Variants in VPS16 observed in about 807,000 individuals in gnomAD.
VPS16 encodes VPS16 core subunit of CORVET and HOPS complexes, also known as vacuolar protein sorting-associated protein 16 homolog.
A neutral mutation model predicts 116.0 loss-of-function variants in VPS16; 82 were observed. The ratio of observed to expected loss-of-function variants is 0.71; its 90% CI spans 0.59 to 0.85. The LOEUF (loss-of-function observed/expected upper bound fraction) is 0.85, where lower values mean the gene tolerates loss of function less well. Among genes scored for constraint, VPS16 ranks in the 40% least tolerant of loss-of-function variants. VPS16 has a pLI of 0.00. For synonymous variants in VPS16, 406 were observed against 420.7 expected, an observed-to-expected ratio of 0.96 and a Z score of 0.43; for missense variants, 928 against 1,090.6, an observed-to-expected ratio of 0.85 and a Z score of 2.10.
In VPS16 at chr20:2,860,218, A is replaced by G; in HGVS notation, c.241-21A>G. On this transcript the variant is annotated intron_variant, in intron 3 of 23. Transcript: ENST00000380445. The surrounding 1 kb of genome is among the most constrained non-coding windows in gnomAD (Gnocchi z 6.1). ...GGTTTCCTCACCTGAGGACAGCCTT[A>G]GGAACCTCTCTCCCCTGCAGTGGAA... is the stretch of plus-strand genomic sequence containing the variant. 6.2e-7 allele frequency: 1 copy of G among 1,613,912 alleles called. No individual in the cohort carries two copies. The highest frequency in any genetic ancestry group is 8.5e-7 in the Non-Finnish European group (1 of 1,179,970).
intron 2 of VPS16, 105 bp downstream of exon 2, chr20:2,859,912 C>T (rs768694017): frequency 1.4e-6 from 2 of 1,472,274 alleles, no homozygotes; most frequent in Admixed American, 1.8e-5. Context: ...CCACCCCCCA[C>T]TCACCCTGCT....
chr20:2,862,382 C>T (rs767726942), intron 11 of VPS16, 197 bp from the exon 12 acceptor site: 2 of 1,236,418 alleles, frequency 1.6e-6, no homozygotes, highest in Non-Finnish European at 2.2e-6. Context: ...CAAGGCCCCC[C>T]TAAAGGCAGC....
At chr20:2,859,584 C>T in intron 1 of VPS16, 135 bp from the exon 2 acceptor site, 1 of 1,031,214 alleles carries the variant, frequency 9.7e-7, no homozygotes, top group Non-Finnish European at 1.5e-6. Flanking sequence ...TCCTCCCTCC[C>T]TCTGGGGGTA....
intron 1 of VPS16, among the ~76,000 whole-genome samples, chr20:2,857,619 C>T (rs907909299): frequency 1.3e-5 from 2 of 152,038 alleles, no homozygotes; most frequent in African/African-American, 4.8e-5. Context: ...AAGTGATTCT[C>T]CTGCCTTAGC....
rs2089279403 is a variant in VPS16 at position 2,863,934 on chromosome 20, C to T, written c.1477-15C>T. ...ATGGCATCCAGATGTTTGTGACACC[C>T]CGCATCCCTTGCAGGTGCAACAGAA... On this transcript the variant is annotated splice_polypyrimidine_tract_variant and intron_variant, in intron 15 of 23. Coordinates refer to ENST00000380445, the MANE Select transcript of VPS16 (RefSeq NM_022575.4). This position sits in a 1 kb window ranked among gnomAD's most constrained non-coding sequence, Gnocchi z 4.4. 1 of 1,612,118 alleles carries T rather than the reference C, an allele frequency of 6.2e-7. No homozygotes were observed. Among genetic ancestry groups the T allele is most frequent in the East Asian group, 2.2e-5 (1 of 44,822 alleles).
rs2089244653 is a variant in VPS16, at chr20:2,862,600, G to A, written c.1093G>A (p.Glu365Lys). Residue 365 changes from glutamate to lysine, a missense_variant, in exon 12 of 24, where the codon GAG becomes AAG. Glu to Lys is a moderately conservative substitution (Grantham distance 56). Coordinates refer to ENST00000380445, the MANE Select transcript of VPS16 (RefSeq NM_022575.4). ...EYEKESQKAD[E>K]YLREIQELGQ... Reference sequence around the variant, plus strand: ...CCAGAAAGAGAGCCAGAAGGCGGACGAGTACCTGCGGGAGATCCAGGAGCT... The same window carrying A: ...CCAGAAAGAGAGCCAGAAGGCGGACAAGTACCTGCGGGAGATCCAGGAGCT... 1.2e-6 allele frequency: 2 copies of A among 1,613,414 alleles called. No homozygotes were observed. Among genetic ancestry groups the A allele is most frequent in the Non-Finnish European group, 1.7e-6 (2 of 1,179,852 alleles).
In VPS16 at chr20:2,862,048, C is replaced by T; in HGVS notation, c.995-6C>T. ...TTCTCCCTCACTCACCAACTCCCTTCCCCAGCGGCCAGCGAGGAAATCTTC... is the reference window on the plus strand; with the variant it reads ...TTCTCCCTCACTCACCAACTCCCTTTCCCAGCGGCCAGCGAGGAAATCTTC... On this transcript the variant is annotated splice_polypyrimidine_tract_variant and splice_region_variant and intron_variant, in intron 10 of 23. Transcript: ENST00000380445. 2.5e-6 allele frequency: 4 copies of T among 1,613,554 alleles called. No individual in the cohort carries two copies. In the South Asian group the frequency reaches 3.3e-5, roughly 13 times the overall value.
rs1046686260 is a variant in VPS16 at position 2,863,630 on chromosome 20, C to T, written c.1476+232C>T. Among the ~76,000 whole-genome samples, 37 of 152,050 alleles carry T rather than the reference C, an allele frequency of 2.4e-4. No individual in the cohort carries two copies. The highest frequency in any genetic ancestry group is 4.6e-4 in the Non-Finnish European group (31 of 68,016). ...ATACAAAATTAGCCGGGCACGGTGG[C>T]GCATGCCTGTAATCCCAGCTACCCG... On this transcript the variant is annotated intron_variant, in intron 15 of 23. Transcript: ENST00000380445. This position sits in a 1 kb window ranked among gnomAD's most constrained non-coding sequence, Gnocchi z 4.4.
intron 23 of VPS16, 27 bp from the exon 24 acceptor site, chr20:2,866,403 C>T: frequency 1.2e-6 from 2 of 1,614,098 alleles, no homozygotes; most frequent in Non-Finnish European, 1.7e-6. Flanking sequence ...AGCCCCAACA[C>T]CACCTCCTCT....
chr20:2,857,566 G>A (rs6084185), intron 1 of VPS16, among the ~76,000 whole-genome samples: 19,683 of 151,372 alleles, frequency 0.13, 1,601 homozygotes, highest in South Asian at 0.28. Context: ...CTGGAGTGCA[G>A]TGGCACAATC....
At chr20:2,853,031 A>G (rs912610430) in intron 1 of VPS16, among the ~76,000 whole-genome samples, 1 of 152,190 alleles carries the variant, frequency 6.6e-6, no homozygotes, top group Non-Finnish European at 1.5e-5. Context: ...TTAACTAAGT[A>G]TATGTAATAC....
chr20:2,842,171 A>G (rs1001797836), intron 1 of VPS16, among the ~76,000 whole-genome samples: 1 of 152,108 alleles, frequency 6.6e-6, no homozygotes, highest in Non-Finnish European at 1.5e-5. Flanking sequence ...GCTTTGTGGC[A>G]TGTTCCTATA....
At chr20:2,841,355 T>C (rs1262466147) in intron 1 of VPS16, among the ~76,000 whole-genome samples, 1 of 152,212 alleles carries the variant, frequency 6.6e-6, no homozygotes, top group African/African-American at 2.4e-5. Context: ...ACCCGTTACA[T>C]CGTTACCCAG....
rs1485908344 is a variant in VPS16, at chr20:2,864,935, T to C, written c.1927-43T>C. On this transcript the variant is annotated intron_variant, in intron 19 of 23. Coordinates refer to ENST00000380445, the MANE Select transcript of VPS16 (RefSeq NM_022575.4). This position sits in a 1 kb window ranked among gnomAD's most constrained non-coding sequence, Gnocchi z 5.2. ...GTAGCCTGGGTGAGGAGGGCGAGGG[T>C]CCTGCATGCTGTGAGTTCAGGCCTT... 4 of 1,612,290 alleles carry C rather than the reference T, an allele frequency of 2.5e-6. No homozygotes were observed. The African/African-American group carries it at 5.3e-5, about 22-fold the overall frequency.
chr20:2,840,794 A>C lies in VPS16; in HGVS notation c.20A>C (p.Asn7Thr), dbSNP rs1467457204. Reference sequence around the variant, plus strand: ...CCAGCCATGGACTGCTACACGGCGAACTGGAACCCACTCGGGGACTCTGCC... The same window carrying C: ...CCAGCCATGGACTGCTACACGGCGACCTGGAACCCACTCGGGGACTCTGCC... MDCYTANWNPLGDSAFY... is the reference protein window; with the variant it reads MDCYTATWNPLGDSAFY... The change falls in exon 1 of 24, where the codon AAC becomes ACC. Residue 7 changes from asparagine (N) to threonine (T), a missense_variant. Physicochemically the swap from Asn to Thr is moderately conservative, Grantham distance 65 (BLOSUM62 0). Coordinates refer to ENST00000380445, the MANE Select transcript of VPS16 (RefSeq NM_022575.4). The C allele has an allele frequency of 6.5e-7, 1 of 1,548,332 alleles. No individual in the cohort carries two copies. The highest frequency in any genetic ancestry group is 1.2e-5 in the South Asian group (1 of 83,978).
Position 2,860,981 on chromosome 20 carries a change from C to T in VPS16, c.642C>T (p.Gly214=). The change falls in exon 7 of 24, where the codon GGC becomes GGT. Residue 214 remains glycine (G), a synonymous_variant. Transcript: ENST00000380445. This position sits in a 1 kb window ranked among gnomAD's most constrained non-coding sequence, Gnocchi z 6.1. ...HAACSAVTPP[G]LAPGVSSFLQ... ...TGGCTCTGCCTCAGACGCCCCCTGG[C>T]CTGGCCCCAGGAGTAAGCAGCTTCC... The T allele has an allele frequency of 6.2e-7, 1 of 1,614,196 alleles. No homozygotes were observed. The highest frequency in any genetic ancestry group is 8.5e-7 in the Non-Finnish European group (1 of 1,180,046).
Position 2,864,551 on chromosome 20 carries a change from G to A in VPS16, c.1823G>A (p.Cys608Tyr), listed in dbSNP as rs746761657. 2 of 1,614,164 alleles carry A rather than the reference G, an allele frequency of 1.2e-6. No homozygotes were observed. The highest frequency in any genetic ancestry group is 1.6e-4 in the Middle Eastern group (1 of 6,062). The change falls in exon 19 of 24, where the codon TGT becomes TAT. Residue 608 changes from cysteine (C) to tyrosine (Y), a missense_variant. By Grantham distance (194) the Cys-to-Tyr change is radical (BLOSUM62 -2). Coordinates refer to ENST00000380445, the MANE Select transcript of VPS16 (RefSeq NM_022575.4). The surrounding 1 kb of genome is among the most constrained non-coding windows in gnomAD (Gnocchi z 5.2). ...PMALSLYRQF[C>Y]KHQELETLKD... ...ATTGCCTGCCTGTGGCCCCAGTTCT[G>A]TAAGCATCAGGAGCTAGAGACGCTG...
intron 1 of VPS16, among the ~76,000 whole-genome samples, chr20:2,857,196 C>T (rs1347929914): frequency 6.6e-6 from 1 of 152,102 alleles, no homozygotes; most frequent in Non-Finnish European, 1.5e-5. Flanking sequence ...ATGCTGGTCT[C>T]GAACTCCTGA....
intron 1 of VPS16, among the ~76,000 whole-genome samples, chr20:2,853,035 G>A (rs1248653213): frequency 1.3e-5 from 2 of 152,190 alleles, no homozygotes; most frequent in South Asian, 2.1e-4. Context: ...CTAAGTATAT[G>A]TAATACTCCG....
Sources: gnomAD v4.1 joint callset for allele counts (sites outside exome capture counted in the v4.1 genomes callset) on GRCh38, gnomAD v4.1.1 for gene constraint, Gnocchi (gnomAD v3.1) non-coding constraint, MANE v1.5 for transcripts, NCBI Gene and HGNC (gene_info 2026-07-23, HGNC 2026-07-21) for gene names.